The following TRPV1 variants were observed in gnomAD, a reference collection of about 807,000 sequenced individuals.
The protein encoded by TRPV1 is OTRPC1.
Under a neutral mutation model 82.3 loss-of-function variants are expected in TRPV1, and 82 were observed. The ratio of observed to expected loss-of-function variants is 1.00; its 90% CI spans 0.83 to 1.20. The LOEUF (loss-of-function observed/expected upper bound fraction) is 1.20. Among genes scored for constraint, TRPV1 ranks in the 50% most tolerant of loss-of-function variants. The pLI, the probability that TRPV1 is intolerant of heterozygous loss-of-function variation, is 0.00. For synonymous variants in TRPV1, 515 were observed against 467.7 expected (o/e 1.10, Z -1.30); for missense variants, 1,067 against 1,096.8 (o/e 0.97, Z 0.38).
rs542667452 is a variant in TRPV1 at position 3,602,685 on chromosome 17, C to T, written c.-34+5742G>A. ...AATGGCAGATGCTAAACACCGCCAC[C>T]GTCGCTAATGGTGACAGTTTTCTCT... is the stretch of plus-strand genomic sequence containing the variant. On this transcript the variant is annotated intron_variant, in intron 2 of 16. Transcript: ENST00000572705. Among the ~76,000 whole-genome samples, 29 of 152,302 alleles carry T rather than the reference C, an allele frequency of 1.9e-4. No homozygotes were observed. The Middle Eastern group carries it at 0.02, about 107-fold the overall frequency.
intron 2 of TRPV1, among the ~76,000 whole-genome samples, chr17:3,605,459 G>A (rs2075290909): frequency 6.6e-6 from 1 of 151,710 alleles, no homozygotes; most frequent in South Asian, 2.1e-4. Flanking sequence ...GTAGTAAGCT[G>A]AGATCGCACC....
At chr17:3,593,922 C>T (rs60088710) in intron 2 of TRPV1, among the ~76,000 whole-genome samples, 24,105 of 151,716 alleles carry the variant, frequency 0.16, 6,231 homozygotes, top group African/African-American at 0.55. Context: ...GTCAGGAGTT[C>T]GAGACCAGCC....
At chr17:3,581,285 T>C (rs962498036) in intron 10 of TRPV1, among the ~76,000 whole-genome samples, 21 of 152,020 alleles carry the variant, frequency 1.4e-4, no homozygotes, top group Admixed American at 6.6e-5. Flanking sequence ...GCCGAGCATA[T>C]TTTTTTCTTA....
At chr17:3,601,202 G>A (rs999339184) in intron 2 of TRPV1, among the ~76,000 whole-genome samples, 13 of 151,924 alleles carry the variant, frequency 8.6e-5, no homozygotes, top group Admixed American at 2.6e-4. Flanking sequence ...TGTGGCTTCC[G>A]TCCATCCCTC....
intron 16 of TRPV1, among the ~76,000 whole-genome samples, chr17:3,569,199 T>C (rs2074814936): frequency 6.6e-6 from 1 of 152,094 alleles, no homozygotes; most frequent in Non-Finnish European, 1.5e-5. Flanking sequence ...CACACCAACA[T>C]GGCACATGTA....
intron 11 of TRPV1, among the ~76,000 whole-genome samples, chr17:3,580,035 C>T (rs2150835355): frequency 6.6e-6 from 1 of 151,404 alleles, no homozygotes; most frequent in South Asian, 2.1e-4. Context: ...CCCGCCCCGC[C>T]CCGCCCCCCA....
chr17:3,607,683 C>T (rs552999240), intron 2 of TRPV1, among the ~76,000 whole-genome samples: 3 of 151,570 alleles, frequency 2.0e-5, no homozygotes, highest in Non-Finnish European at 4.4e-5. Flanking sequence ...ATTACAGGCG[C>T]GTGCCATCAT....
At chr17:3,578,077 T>G (rs1439549188) in intron 11 of TRPV1, 12 of 218,326 alleles carry the variant, frequency 5.5e-5, no homozygotes, top group Non-Finnish European at 9.4e-5. Flanking sequence ...GGCTGAGGCA[T>G]GCGGAGCACA....
In TRPV1 at chr17:3,601,538, T is replaced by C. The variant is rs535267072; in HGVS notation, c.-34+6889A>G. Among the ~76,000 whole-genome samples the C allele has an allele frequency of 4.0e-5, 6 of 151,830 alleles. No homozygotes were observed. The East Asian group carries it at 7.7e-4, about 20-fold the overall frequency. On this transcript the variant is annotated intron_variant, in intron 2 of 16. Coordinates refer to ENST00000572705, the MANE Select transcript of TRPV1 (RefSeq NM_080704.4). ...ACTTAACCCATCTTCAAGTGCGAGGTGAGCCCTAGGGATGCTCAAATCCCA... is the reference window on the plus strand; with the variant it reads ...ACTTAACCCATCTTCAAGTGCGAGGCGAGCCCTAGGGATGCTCAAATCCCA...
intron 13 of TRPV1, among the ~76,000 whole-genome samples, chr17:3,576,717 T>C (rs1488220950): frequency 9.0e-5 from 11 of 122,854 alleles, no homozygotes; most frequent in Admixed American, 3.7e-4. Flanking sequence ...GGCATGGTCG[T>C]GGGCGCCTGT....
chr17:3,598,469 T>C (rs2075237764), intron 2 of TRPV1, among the ~76,000 whole-genome samples: 1 of 151,674 alleles, frequency 6.6e-6, no homozygotes, highest in Admixed American at 6.6e-5. Flanking sequence ...AGACAACCGA[T>C]AATTAGATAA....
rs2074952810 is a variant in TRPV1 at position 3,577,666 on chromosome 17, A to G, written c.1645T>C (p.Trp549Arg). ...ASMVFSLALGWTNMLYYTRGF... is the reference protein window; with the variant it reads ...ASMVFSLALGRTNMLYYTRGF... ...CGGGTGTAGTAGAGCATGTTGGTCC[A>G]GCCCAAGGCCAGGGAGAATACCATG... Residue 549 changes from tryptophan to arginine, a missense_variant, in exon 12 of 17, where the codon TGG (tryptophan) becomes CGG (arginine). By Grantham distance (101) the Trp-to-Arg change is moderately radical (BLOSUM62 -3). Coordinates refer to ENST00000572705, the MANE Select transcript of TRPV1 (RefSeq NM_080704.4). 1.9e-6 allele frequency: 3 copies of G among 1,587,972 alleles called. No homozygotes were observed. The highest frequency in any genetic ancestry group is 2.6e-6 in the Non-Finnish European group (3 of 1,167,504).
intron 16 of TRPV1, among the ~76,000 whole-genome samples, chr17:3,570,598 C>T (rs2150824047): frequency 6.6e-6 from 1 of 152,324 alleles, no homozygotes; most frequent in Non-Finnish European, 1.5e-5. Flanking sequence ...AACTATGCCT[C>T]TTTCATTTCT....
intron 2 of TRPV1, among the ~76,000 whole-genome samples, chr17:3,598,627 G>A (rs969336566): frequency 1.4e-5 from 2 of 145,606 alleles, no homozygotes; most frequent in African/African-American, 2.6e-5. Context: ...ATGCAATGGC[G>A]CAATCTCGGC....
chr17:3,570,307 G>A (rs768573812), intron 16 of TRPV1, among the ~76,000 whole-genome samples: 64 of 151,488 alleles, frequency 4.2e-4, no homozygotes, highest in Non-Finnish European at 2.9e-5. Context: ...GAGGCGGAGG[G>A]TGCAGTAAAC....
At chr17:3,607,789 G>A (rs1036007131) in intron 2 of TRPV1, among the ~76,000 whole-genome samples, 22 of 151,906 alleles carry the variant, frequency 1.4e-4, no homozygotes, top group Admixed American at 9.2e-4. Flanking sequence ...CACCCGCCTC[G>A]GCCTCCCAAA....
intron 16 of TRPV1, among the ~76,000 whole-genome samples, chr17:3,568,340 A>G (rs2074803755): frequency 6.6e-6 from 1 of 151,856 alleles, no homozygotes; most frequent in Non-Finnish European, 1.5e-5. Context: ...AAAAAAAAGA[A>G]AAGAAAAGAA....
chr17:3,571,503 G>A (rs200545454), intron 16 of TRPV1, 21 bp downstream of exon 16: 2 of 1,554,570 alleles, frequency 1.3e-6, no homozygotes, highest in Non-Finnish European at 1.7e-6. Context: ...GAGGCGCCAA[G>A]CACCGGCCCT....
At chr17:3,588,904 C>T (rs974132393) in intron 7 of TRPV1, 117 of 1,535,584 alleles carry the variant, frequency 7.6e-5, no homozygotes, top group Non-Finnish European at 9.3e-5. Context: ...AATCCCCTCA[C>T]GGCGAGGCCC....
Sources: gnomAD v4.1 joint callset for allele counts (sites outside exome capture counted in the v4.1 genomes callset) on GRCh38, gnomAD v4.1.1 for gene constraint, MANE v1.5 for transcripts, NCBI Gene and HGNC (gene_info 2026-07-23, HGNC 2026-07-21) for gene names.